Variants in PRKCH observed in about 807,000 individuals in gnomAD.
PRKCH encodes protein kinase C eta.
In PRKCH, 28 loss-of-function variants were observed where a neutral mutation model predicts 82.5. The ratio of observed to expected loss-of-function variants is 0.34; its 90% CI spans 0.25 to 0.47. PRKCH has a LOEUF of 0.47. PRKCH is among the 20% of genes least tolerant of loss of function. The pLI is 1.00. For synonymous variants in PRKCH, 322 were observed against 327.4 expected (o/e 0.98, Z 0.18); for missense variants, 705 against 881.8 (o/e 0.80, Z 2.54).
intron 1 of PRKCH, among the ~76,000 whole-genome samples, chr14:61,261,401 A>T (rs1412834201): frequency 6.6e-6 from 1 of 152,208 alleles, no homozygotes; most frequent in Non-Finnish European, 1.5e-5. Flanking sequence ...CAACCAGCCA[A>T]TGGAAGGCAA....
intron 10 of PRKCH, among the ~76,000 whole-genome samples, chr14:61,515,628 A>G (rs777750988): frequency 4.6e-5 from 7 of 152,158 alleles, no homozygotes; most frequent in Non-Finnish European, 1.0e-4. Flanking sequence ...TGCCCAAGGT[A>G]CTGGTGCCAG....
At chr14:61,352,754 A>T (rs902100083) in intron 1 of PRKCH, among the ~76,000 whole-genome samples, 1 of 143,992 alleles carries the variant, frequency 6.9e-6, no homozygotes, top group Admixed American at 6.9e-5. Context: ...TGTCCTAGAT[A>T]TATTGTTGAG....
chr14:61,315,170 T>C (rs1318453067), intron 1 of PRKCH, among the ~76,000 whole-genome samples: 4 of 152,162 alleles, frequency 2.6e-5, no homozygotes, highest in African/African-American at 9.7e-5. Flanking sequence ...GAAATGGATA[T>C]AGACAGGCAC....
chr14:61,244,784 G>A (rs556698787), intron 1 of PRKCH, among the ~76,000 whole-genome samples: 1 of 152,290 alleles, frequency 6.6e-6, no homozygotes, highest in South Asian at 2.1e-4. Context: ...CTTCCAACCT[G>A]TTACCTATTA....
intron 10 of PRKCH, among the ~76,000 whole-genome samples, chr14:61,508,067 T>C (rs1467823662): frequency 6.6e-6 from 1 of 152,168 alleles, no homozygotes; most frequent in Non-Finnish European, 1.5e-5. Context: ...ATTAAGTATC[T>C]ACAGCTTTTT....
chr14:61,414,993 C>G (rs1054653257), intron 2 of PRKCH, among the ~76,000 whole-genome samples: 1 of 152,134 alleles, frequency 6.6e-6, no homozygotes, highest in South Asian at 2.1e-4. Context: ...GGCCTTTCAT[C>G]TGCAGGGACA....
intron 1 of PRKCH, among the ~76,000 whole-genome samples, chr14:61,218,309 C>T (rs369019373): frequency 6.6e-6 from 1 of 152,156 alleles, no homozygotes; most frequent in Non-Finnish European, 1.5e-5. Flanking sequence ...CAACCCTATA[C>T]CCTCTTCAAC....
At chr14:61,334,822 G>A (rs1436507661) in intron 1 of PRKCH, among the ~76,000 whole-genome samples, 1 of 152,072 alleles carries the variant, frequency 6.6e-6, no homozygotes, top group Non-Finnish European at 1.5e-5. Flanking sequence ...GCACAAGATA[G>A]GCACTGGAGA....
chr14:61,346,042 G>A (rs2045988269), intron 1 of PRKCH, among the ~76,000 whole-genome samples: 1 of 152,196 alleles, frequency 6.6e-6, no homozygotes, highest in Non-Finnish European at 1.5e-5. Flanking sequence ...CTGATGTAAA[G>A]TGGTAGAGAA....
chr14:61,447,840 G>T (rs559645057), intron 4 of PRKCH, among the ~76,000 whole-genome samples: 3 of 152,286 alleles, frequency 2.0e-5, no homozygotes, highest in Admixed American at 2.0e-4. Context: ...CAGTAGGAAA[G>T]TAGAAAGATC....
At chr14:61,522,921 A>G (rs2042923777) in intron 10 of PRKCH, among the ~76,000 whole-genome samples, 1 of 152,246 alleles carries the variant, frequency 6.6e-6, no homozygotes, top group African/African-American at 2.4e-5. Flanking sequence ...GATGAAACCA[A>G]ATGTTATGCT....
chr14:61,508,766 AT>A (rs749861244), intron 10 of PRKCH, among the ~76,000 whole-genome samples: 1 of 152,050 alleles, frequency 6.6e-6, no homozygotes, highest in Non-Finnish European at 1.5e-5. Flanking sequence ...GGATAAGATG[AT>A]TGAGTTTATC....
chr14:61,488,537 A>G (rs534447143), intron 10 of PRKCH, among the ~76,000 whole-genome samples: 3 of 152,334 alleles, frequency 2.0e-5, no homozygotes, highest in Middle Eastern at 3.4e-3. Flanking sequence ...ACTGGGCTAC[A>G]CTGTCTTCTC....
chr14:61,269,508 C>T (rs1241261987), intron 1 of PRKCH, among the ~76,000 whole-genome samples: 1 of 152,108 alleles, frequency 6.6e-6, no homozygotes, highest in Non-Finnish European at 1.5e-5. Context: ...GATCCTCTCC[C>T]TCCTCCCAAC....
At chr14:61,436,543 A>G (rs1193144351) in intron 2 of PRKCH, among the ~76,000 whole-genome samples, 2 of 151,992 alleles carry the variant, frequency 1.3e-5, no homozygotes, top group Admixed American at 1.3e-4. Flanking sequence ...TTTTCAACTT[A>G]TTTTTTTGAG....
At chr14:61,419,720 C>A (rs2140243847) in intron 2 of PRKCH, among the ~76,000 whole-genome samples, 1 of 152,256 alleles carries the variant, frequency 6.6e-6, no homozygotes, top group Non-Finnish European at 1.5e-5. Flanking sequence ...TTTTAAAAAC[C>A]TGGGACATAG....
intron 1 of PRKCH, among the ~76,000 whole-genome samples, chr14:61,312,197 A>G (rs872147): frequency 0.69 from 105,362 of 152,180 alleles, 39,314 homozygotes; most frequent in Non-Finnish European, 0.83. Context: ...CTTGTCCAGC[A>G]TTTTGAATAA....
intron 10 of PRKCH, among the ~76,000 whole-genome samples, chr14:61,487,058 T>C (rs1321436627): frequency 1.3e-5 from 2 of 152,140 alleles, no homozygotes; most frequent in African/African-American, 4.8e-5. Context: ...AGAGAACAAG[T>C]AGTAACTCTC....
intron 1 of PRKCH, among the ~76,000 whole-genome samples, chr14:61,261,174 CTG>C (rs1308235184): frequency 6.6e-6 from 1 of 152,232 alleles, no homozygotes; most frequent in Non-Finnish European, 1.5e-5. Flanking sequence ...CTAAACTAAA[CTG>C]TTGCCGTCAC....
Sources: allele counts gnomAD v4.1 joint callset (sites outside exome capture counted in the v4.1 genomes callset), GRCh38; gene constraint gnomAD v4.1.1; transcripts MANE v1.5; gene names NCBI Gene and HGNC (gene_info 2026-07-23, HGNC 2026-07-21).